CHLSN: variants seen among roughly 807,000 people sequenced by gnomAD.
CHLSN encodes cholesin.
the CHLSN span, among the ~76,000 whole-genome samples, chr7:1,094,797 C>G: frequency 2.0e-5 from 3 of 152,136 alleles, no homozygotes; most frequent in African/African-American, 7.2e-5. Context: ...AAGCCTGGGT[C>G]TCTCAGGCAG....
At chr7:1,112,222 G>A in the CHLSN span, among the ~76,000 whole-genome samples, 96 of 152,328 alleles carry the variant, frequency 6.3e-4, 3 homozygotes, top group African/African-American at 2.2e-3. Context: ...CTTTGGCCCA[G>A]AATGAGGATG....
chr7:1,123,809 GCAGCTCCCTCCGC>G, the CHLSN span, among the ~76,000 whole-genome samples: 2 of 151,922 alleles, frequency 1.3e-5, no homozygotes, highest in African/African-American at 2.4e-5. The surrounding 1 kb of genome is among the most constrained non-coding windows in gnomAD (Gnocchi z 4.4). Context: ...CCAGCTGAAG[GCAGCTCCCTCCGC>G]CAGCTCCCTC....
At chr7:987,288 G>T in the CHLSN span, 1 of 1,510,602 alleles carries the variant, frequency 6.6e-7, no homozygotes, top group East Asian at 2.5e-5. Flanking sequence ...TCTGCCCCCG[G>T]GGGACCCCCA....
At chr7:1,092,839 T>G in the CHLSN span, 11 of 1,612,662 alleles carry the variant, frequency 6.8e-6, no homozygotes, top group Non-Finnish European at 9.3e-6. Context: ...GGATGTGAGG[T>G]TCAGCAGTGC....
At chr7:1,113,983 G>A in the CHLSN span, among the ~76,000 whole-genome samples, 97 of 152,306 alleles carry the variant, frequency 6.4e-4, no homozygotes, top group African/African-American at 2.1e-3. Flanking sequence ...TCAACTTCCC[G>A]TCGACATAGA....
the CHLSN span, among the ~76,000 whole-genome samples, chr7:988,052 G>A: frequency 1.3e-3 from 144 of 111,652 alleles, no homozygotes; most frequent in Middle Eastern, 8.4e-3. Context: ...GTCCTGGGGC[G>A]TCCCTCTCCA....
chr7:985,340 C>T, the CHLSN span: 2 of 1,547,446 alleles, frequency 1.3e-6, no homozygotes, highest in Non-Finnish European at 8.7e-7. Context: ...AGCTGCCTCC[C>T]ATCCTTGGGG....
the CHLSN span, chr7:1,093,249 T>A: frequency 2.1e-6 from 1 of 468,082 alleles, no homozygotes. Context: ...GCGCCTCAGT[T>A]ACACAGGAAC....
chr7:1,129,745 G>A, the CHLSN span, among the ~76,000 whole-genome samples: 3 of 152,276 alleles, frequency 2.0e-5, no homozygotes, highest in East Asian at 3.9e-4. Flanking sequence ...GCCCAGCCCC[G>A]TTCGGTCTTT....
the CHLSN span, among the ~76,000 whole-genome samples, chr7:1,098,190 C>A: frequency 3.2e-3 from 494 of 152,326 alleles, 2 homozygotes; most frequent in African/African-American, 0.011. Flanking sequence ...CCCCAAGAGG[C>A]TCCGTGGCGG....
the CHLSN span, among the ~76,000 whole-genome samples, chr7:1,123,850 G>A: frequency 4.0e-5 from 6 of 151,824 alleles, no homozygotes; most frequent in Middle Eastern, 3.4e-3. This position sits in a 1 kb window ranked among gnomAD's most constrained non-coding sequence, Gnocchi z 4.4. Flanking sequence ...ACGTGCTGCC[G>A]ACCCCTGCTG....
chr7:1,091,318 C>T, the CHLSN span: 1 of 172,376 alleles, frequency 5.8e-6, no homozygotes, highest in Admixed American at 5.7e-5. Flanking sequence ...CACACCCAGA[C>T]TCTACAGACA....
chr7:1,010,283 G>A, the CHLSN span: 9 of 722,162 alleles, frequency 1.2e-5, no homozygotes, highest in Non-Finnish European at 2.0e-5. Flanking sequence ...GGCCCCAGCC[G>A]ACACCATCCT....
chr7:983,330 T>A, the CHLSN span: 1 of 1,539,270 alleles, frequency 6.5e-7, no homozygotes, highest in South Asian at 1.2e-5. Flanking sequence ...CCGCTGCCGC[T>A]CGTCGGGAAC....
the CHLSN span, chr7:997,746 GC>G: frequency 0.023 from 37,441 of 1,611,094 alleles, 491 homozygotes; most frequent in Non-Finnish European, 0.027. Context: ...CAGCTCTCGG[GC>G]CCGGCCCTGC....
At chr7:1,018,630 G>C in the CHLSN span, among the ~76,000 whole-genome samples, 1 of 152,210 alleles carries the variant, frequency 6.6e-6, no homozygotes, top group African/African-American at 2.4e-5. Context: ...ATGTAAATCA[G>C]GGTGGAGCTC....
the CHLSN span, among the ~76,000 whole-genome samples, chr7:1,083,878 C>T: frequency 1.3e-4 from 20 of 152,198 alleles, no homozygotes; most frequent in Non-Finnish European, 2.1e-4. Flanking sequence ...TTTCCGGGCT[C>T]GGCAGGCACA....
the CHLSN span, among the ~76,000 whole-genome samples, chr7:1,020,682 C>T: frequency 2.0e-5 from 3 of 152,340 alleles, no homozygotes; most frequent in Admixed American, 6.5e-5. Context: ...GGAGGACCTG[C>T]AGGAAACAGA....
the CHLSN span, among the ~76,000 whole-genome samples, chr7:1,097,938 C>T: frequency 6.6e-6 from 1 of 152,196 alleles, no homozygotes; most frequent in East Asian, 1.9e-4. The surrounding 1 kb of genome is among the most constrained non-coding windows in gnomAD (Gnocchi z 4.3). Context: ...GCAGAGCAAT[C>T]ATCCCAAACT....
Sources: allele counts gnomAD v4.1 joint callset (sites outside exome capture counted in the v4.1 genomes callset), GRCh38; gene constraint gnomAD v4.1.1; non-coding constraint Gnocchi (gnomAD v3.1); transcripts MANE v1.5; gene names NCBI Gene and HGNC (gene_info 2026-07-23, HGNC 2026-07-21).